The following CNTN3 variants were observed in gnomAD, a reference collection of about 807,000 sequenced individuals.
The protein encoded by CNTN3 is contactin-3.
In CNTN3, 60 loss-of-function variants were observed where a neutral mutation model predicts 119.1. The ratio of observed to expected loss-of-function variants is 0.50; its 90% CI spans 0.41 to 0.62. CNTN3 has a LOEUF of 0.62. Ranked by LOEUF, CNTN3 falls within the 20% of genes least tolerant of loss-of-function variation. The pLI is 0.00. For missense variants in CNTN3, 1,101 were observed against 1,242.4 expected, an observed-to-expected ratio of 0.89 and a Z score of 1.71; for synonymous variants, 450 against 438.7, an observed-to-expected ratio of 1.03 and a Z score of -0.32.
At chr3:74,514,818 T>C (rs1327933953) in intron 2 of CNTN3, among the ~76,000 whole-genome samples, 1 of 152,060 alleles carries the variant, frequency 6.6e-6, no homozygotes, top group Non-Finnish European at 1.5e-5. Context: ...GGAAGCAAAA[T>C]GCAGAGAAGT....
intron 1 of CNTN3, among the ~76,000 whole-genome samples, chr3:74,561,820 T>A (rs1701707477): frequency 6.6e-6 from 1 of 152,192 alleles, no homozygotes; most frequent in African/African-American, 2.4e-5. Flanking sequence ...ACTTAATAGG[T>A]ACTTTGCAAT....
At chr3:74,595,462 A>C (rs1279479432) in intron 1 of CNTN3, among the ~76,000 whole-genome samples, 3 of 151,488 alleles carry the variant, frequency 2.0e-5, no homozygotes, top group Non-Finnish European at 4.4e-5. Flanking sequence ...TCTTGAATTA[A>C]TTTTTGTAGA....
At chr3:74,444,795 G>A (rs1702022694) in intron 4 of CNTN3, among the ~76,000 whole-genome samples, 1 of 151,954 alleles carries the variant, frequency 6.6e-6, no homozygotes, top group African/African-American at 2.4e-5. Context: ...AGCTGAATAT[G>A]GGCTTTCTTC....
At chr3:74,568,996 T>C (rs1406504319) in intron 1 of CNTN3, among the ~76,000 whole-genome samples, 1 of 152,102 alleles carries the variant, frequency 6.6e-6, no homozygotes, top group Admixed American at 6.5e-5. Context: ...GGATAAAGCT[T>C]ACAGCCCATG....
chr3:74,413,393 T>C (rs78088759), intron 5 of CNTN3, among the ~76,000 whole-genome samples: 4,875 of 152,202 alleles, frequency 0.032, 108 homozygotes, highest in Non-Finnish European at 0.05. Context: ...AATATCTCCA[T>C]GTGTTTCATA....
intron 4 of CNTN3, among the ~76,000 whole-genome samples, chr3:74,430,177 A>G (rs572778326): frequency 1.3e-5 from 2 of 152,348 alleles, no homozygotes; most frequent in East Asian, 3.9e-4. Context: ...TTGTTCATAC[A>G]AAAATCTGTA....
chr3:74,325,166 G>A (rs573304361), intron 13 of CNTN3, among the ~76,000 whole-genome samples: 1 of 151,762 alleles, frequency 6.6e-6, no homozygotes, highest in South Asian at 2.1e-4. Context: ...GAAGCAGTTT[G>A]CATTTTGTTT....
intron 11 of CNTN3, among the ~76,000 whole-genome samples, chr3:74,359,353 G>A (rs565135840): frequency 7.9e-5 from 12 of 152,200 alleles, no homozygotes; most frequent in Admixed American, 7.2e-4. Flanking sequence ...ATTTTGCAGC[G>A]ACTATGTAAG....
chr3:74,469,250 T>C (rs907878386), intron 4 of CNTN3, among the ~76,000 whole-genome samples: 1 of 152,144 alleles, frequency 6.6e-6, no homozygotes, highest in African/African-American at 2.4e-5. Flanking sequence ...CCAGGATTAA[T>C]CTTGGGTTCC....
At chr3:74,349,630 T>C (rs528290504) in intron 11 of CNTN3, among the ~76,000 whole-genome samples, 75 of 152,316 alleles carry the variant, frequency 4.9e-4, no homozygotes, top group African/African-American at 1.7e-3. Flanking sequence ...TAGAGAAAGC[T>C]CCTTTTCCCC....
intron 11 of CNTN3, among the ~76,000 whole-genome samples, chr3:74,352,536 T>C (rs1204357926): frequency 6.6e-6 from 1 of 152,214 alleles, no homozygotes; most frequent in Non-Finnish European, 1.5e-5. Context: ...GTATAGTCTA[T>C]TCCACTGTAA....
intron 1 of CNTN3, among the ~76,000 whole-genome samples, chr3:74,586,556 C>T (rs1038278439): frequency 3.3e-5 from 5 of 152,064 alleles, no homozygotes; most frequent in African/African-American, 4.8e-5. Flanking sequence ...ATCCCTGCTA[C>T]AGAACTGTCT....
intron 1 of CNTN3, among the ~76,000 whole-genome samples, chr3:74,602,295 CAAAAAAAAAAAAA>C (rs1167052275): frequency 3.0e-4 from 6 of 19,710 alleles, no homozygotes; most frequent in Admixed American, 1.8e-3. Flanking sequence ...GACCTGGTCT[CAAAAAAAAAAAAA>C]AAAAAAAAAA....
chr3:74,366,470 A>G (rs1274303512), intron 8 of CNTN3, among the ~76,000 whole-genome samples: 1 of 152,036 alleles, frequency 6.6e-6, no homozygotes, highest in Admixed American at 6.6e-5. Context: ...TATACAGTAT[A>G]TCCAGCCAAG....
chr3:74,402,402 C>G (rs1307052181), intron 5 of CNTN3, among the ~76,000 whole-genome samples: 5 of 152,170 alleles, frequency 3.3e-5, no homozygotes, highest in Non-Finnish European at 7.3e-5. Flanking sequence ...CCTTGGAACT[C>G]ATCAATTTCT....
At chr3:74,440,348 C>T (rs866908227) in intron 4 of CNTN3, among the ~76,000 whole-genome samples, 1 of 152,074 alleles carries the variant, frequency 6.6e-6, no homozygotes, top group Non-Finnish European at 1.5e-5. Flanking sequence ...CTATATTAAT[C>T]TTACATGAGA....
At chr3:74,464,180 T>C (rs1702420291) in intron 4 of CNTN3, among the ~76,000 whole-genome samples, 1 of 152,190 alleles carries the variant, frequency 6.6e-6, no homozygotes, top group African/African-American at 2.4e-5. Flanking sequence ...TACAATGAGA[T>C]AACTATATAA....
At chr3:74,324,939 G>A (rs1703092615) in intron 13 of CNTN3, among the ~76,000 whole-genome samples, 1 of 152,122 alleles carries the variant, frequency 6.6e-6, no homozygotes, top group Non-Finnish European at 1.5e-5. Context: ...ATTTCCTGCT[G>A]TGCTCCAAAG....
intron 5 of CNTN3, among the ~76,000 whole-genome samples, chr3:74,390,229 T>C (rs1297905992): frequency 6.6e-6 from 1 of 152,240 alleles, no homozygotes; most frequent in African/African-American, 2.4e-5. Context: ...TCCCAAATCC[T>C]GCAGTATTTC....
Sources: gnomAD v4.1 joint callset for allele counts (sites outside exome capture counted in the v4.1 genomes callset) on GRCh38, gnomAD v4.1.1 for gene constraint, MANE v1.5 for transcripts, NCBI Gene and HGNC (gene_info 2026-07-23, HGNC 2026-07-21) for gene names.